Variants in FGF12 observed in about 807,000 individuals in gnomAD.
The protein encoded by FGF12 is fibroblast growth factor 12B.
In FGF12, 14 loss-of-function variants were observed where a neutral mutation model predicts 23.6. The observed-to-expected ratio is 0.59, with a 90% CI of 0.39 to 0.93. The LOEUF is 0.93. Ranked by LOEUF, FGF12 falls within the 40% of genes least tolerant of loss-of-function variation. The pLI is 0.00. For missense variants in FGF12, 175 were observed against 217.8 expected (o/e 0.80, Z 1.24); for synonymous variants, 62 against 77.3 (o/e 0.80, Z 1.04).
intron 4 of FGF12, among the ~76,000 whole-genome samples, chr3:192,304,754 C>T (rs564792086): frequency 6.6e-6 from 1 of 152,262 alleles, no homozygotes; most frequent in South Asian, 2.1e-4. Context: ...CAGTTTTAAG[C>T]TACAATTTTA....
intron 5 of FGF12, among the ~76,000 whole-genome samples, chr3:192,164,315 C>T (rs1203006452): frequency 6.6e-6 from 1 of 152,058 alleles, no homozygotes; most frequent in South Asian, 2.1e-4. Flanking sequence ...GGGGAGGGGA[C>T]CCATGTAAGT....
intron 4 of FGF12, among the ~76,000 whole-genome samples, chr3:192,229,488 G>T (rs1718909438): frequency 6.6e-6 from 1 of 152,018 alleles, no homozygotes; most frequent in African/African-American, 2.4e-5. Flanking sequence ...CTAATCAAGT[G>T]TGTGTTGATC....
At chr3:192,613,871 C>G (rs1714648135) in intron 2 of FGF12, among the ~76,000 whole-genome samples, 1 of 151,726 alleles carries the variant, frequency 6.6e-6, no homozygotes, top group Non-Finnish European at 1.5e-5. Flanking sequence ...TAAAACATCA[C>G]TTATAAATTT....
chr3:192,489,457 T>G (rs1310540696), intron 2 of FGF12, among the ~76,000 whole-genome samples: 1 of 151,856 alleles, frequency 6.6e-6, no homozygotes, highest in Non-Finnish European at 1.5e-5. Flanking sequence ...GCCAAGAGAG[T>G]CTCAGTTTTC....
At chr3:192,269,772 G>A (rs527782025) in intron 4 of FGF12, among the ~76,000 whole-genome samples, 2 of 152,154 alleles carry the variant, frequency 1.3e-5, no homozygotes, top group South Asian at 2.1e-4. Flanking sequence ...ATACCATTGG[G>A]TATTTAAATT....
intron 2 of FGF12, among the ~76,000 whole-genome samples, chr3:192,445,109 T>C (rs1722313781): frequency 6.6e-6 from 1 of 152,248 alleles, no homozygotes; most frequent in Non-Finnish European, 1.5e-5. Context: ...GAAGAATCTC[T>C]TCTATCTTTG....
intron 2 of FGF12, among the ~76,000 whole-genome samples, chr3:192,430,829 G>A (rs994296189): frequency 6.6e-6 from 1 of 152,086 alleles, no homozygotes; most frequent in Admixed American, 6.6e-5. Flanking sequence ...CTGTTGATAC[G>A]GAATACAACA....
chr3:192,351,908 T>G (rs1472974226), intron 3 of FGF12, among the ~76,000 whole-genome samples: 2 of 152,126 alleles, frequency 1.3e-5, no homozygotes, highest in Admixed American at 1.3e-4. Context: ...TTTTGAAGGG[T>G]GAGAGTGGCT....
At chr3:192,262,460 T>C (rs78196164) in intron 4 of FGF12, among the ~76,000 whole-genome samples, 2,868 of 152,280 alleles carry the variant, frequency 0.019, 72 homozygotes, top group African/African-American at 0.054. Context: ...TATATATAGT[T>C]GTGTGCCACA....
At chr3:192,298,534 C>T (rs1715166861) in intron 4 of FGF12, among the ~76,000 whole-genome samples, 1 of 152,152 alleles carries the variant, frequency 6.6e-6, no homozygotes, top group Non-Finnish European at 1.5e-5. Flanking sequence ...AGACAGATCA[C>T]TTGAGGTCAG....
intron 4 of FGF12, among the ~76,000 whole-genome samples, chr3:192,217,275 C>G (rs571930095): frequency 6.6e-6 from 1 of 152,142 alleles, no homozygotes; most frequent in Non-Finnish European, 1.5e-5. Context: ...ACACCTTAAG[C>G]GCTATATGAG....
chr3:192,702,541 C>A (rs1219923490), intron 2 of FGF12, among the ~76,000 whole-genome samples: 1 of 152,116 alleles, frequency 6.6e-6, no homozygotes, highest in Non-Finnish European at 1.5e-5. Flanking sequence ...GCCTGTAATC[C>A]CAGCATTTTG....
intron 2 of FGF12, among the ~76,000 whole-genome samples, chr3:192,391,276 T>C (rs1720282545): frequency 6.6e-6 from 1 of 152,218 alleles, no homozygotes; most frequent in African/African-American, 2.4e-5. Context: ...ATAGTTTACA[T>C]GCTGTGAAAT....
chr3:192,449,982 T>C (rs984317019), intron 2 of FGF12, among the ~76,000 whole-genome samples: 1 of 152,194 alleles, frequency 6.6e-6, no homozygotes, highest in Admixed American at 6.5e-5. Flanking sequence ...TCAATCCACA[T>C]TACAATGAAT....
chr3:192,210,140 CAT>C (rs1178348400), intron 4 of FGF12, among the ~76,000 whole-genome samples: 1 of 151,644 alleles, frequency 6.6e-6, no homozygotes, highest in African/African-American at 2.4e-5. Flanking sequence ...GAGAAAAAAA[CAT>C]AGTGAGCATT....
intron 4 of FGF12, among the ~76,000 whole-genome samples, chr3:192,219,212 G>A (rs1718348455): frequency 1.3e-5 from 2 of 152,030 alleles, no homozygotes; most frequent in Admixed American, 1.3e-4. Flanking sequence ...AGCCTCCCAA[G>A]TAGCTAGGAC....
chr3:192,678,651 G>C (rs1717412686), intron 2 of FGF12, among the ~76,000 whole-genome samples: 1 of 152,166 alleles, frequency 6.6e-6, no homozygotes. Context: ...TCATAGCTAA[G>C]TTATTTCTGC....
intron 2 of FGF12, among the ~76,000 whole-genome samples, chr3:192,700,429 C>T (rs1718254639): frequency 6.6e-6 from 1 of 152,076 alleles, no homozygotes; most frequent in Non-Finnish European, 1.5e-5. Flanking sequence ...CAAATAAAGT[C>T]CTGTCACATC....
rs139000688 is a variant in FGF12 at position 192,267,527 on chromosome 3, A to G, written c.228+67834T>C. Among the ~76,000 whole-genome samples, 452 of 152,322 alleles carry G rather than the reference A, an allele frequency of 3.0e-3. 4 individuals carry two copies. Among genetic ancestry groups the G allele is most frequent in the Middle Eastern group, 0.017 (5 of 294 alleles). ...CAAGAAGATTCTCCAAGTCTATGCA[A>G]GAGATTATATTTATATATCTGTTTT... is the stretch of plus-strand genomic sequence containing the variant. On this transcript the variant is annotated intron_variant, in intron 4 of 5. Transcript: ENST00000445105.
Sources: gnomAD v4.1 joint callset for allele counts (sites outside exome capture counted in the v4.1 genomes callset) on GRCh38, gnomAD v4.1.1 for gene constraint, MANE v1.5 for transcripts, NCBI Gene and HGNC (gene_info 2026-07-23, HGNC 2026-07-21) for gene names.